Variants in PCDH15 observed in about 807,000 individuals in gnomAD.
The protein encoded by PCDH15 is protocadherin-15.
PCDH15 carries 129 observed loss-of-function variants against 178.5 expected under a neutral mutation model. The observed-to-expected ratio is 0.72, with a 90% CI of 0.63 to 0.84. PCDH15 has a LOEUF of 0.84. Among genes scored for constraint, PCDH15 ranks in the 40% least tolerant of loss-of-function variants. The pLI is 0.00. For missense variants in PCDH15, 2,230 were observed against 2,099.9 expected, an observed-to-expected ratio of 1.06 and a Z score of -1.21; for synonymous variants, 800 against 732.0, an observed-to-expected ratio of 1.09 and a Z score of -1.50.
chr10:54,040,366 C>T (rs895981140), intron 18 of PCDH15, among the ~76,000 whole-genome samples: 1 of 151,880 alleles, frequency 6.6e-6, no homozygotes, highest in Non-Finnish European at 1.5e-5. Flanking sequence ...AAGAGGTTTC[C>T]CCTTTGCTTG....
intron 1 of PCDH15, among the ~76,000 whole-genome samples, chr10:54,702,466 G>T (rs983747142): frequency 2.1e-5 from 3 of 145,000 alleles, no homozygotes; most frequent in Non-Finnish European, 4.5e-5. Context: ...TGATAAGTAG[G>T]CTACTGAAAA....
intron 2 of PCDH15, among the ~76,000 whole-genome samples, chr10:55,356,997 T>TAGTG (rs1845096332): frequency 6.6e-6 from 1 of 151,902 alleles, no homozygotes; most frequent in Admixed American, 6.6e-5. Context: ...AGGAAACACA[T>TAGTG]AGTGCCCTGT....
chr10:54,441,070 C>G (rs116318856), intron 3 of PCDH15, among the ~76,000 whole-genome samples: 2,556 of 151,922 alleles, frequency 0.017, 73 homozygotes, highest in African/African-American at 0.057. Context: ...ATCAATTAAT[C>G]ATTGCACAAT....
At chr10:54,491,200 A>C (rs1589687686) in intron 3 of PCDH15, among the ~76,000 whole-genome samples, 1 of 152,224 alleles carries the variant, frequency 6.6e-6, no homozygotes, top group East Asian at 1.9e-4. Flanking sequence ...ACAAGTTCAA[A>C]GCTGAAGATT....
At chr10:55,209,450 G>GT (rs1329030292) in intron 1 of PCDH15, among the ~76,000 whole-genome samples, 1 of 152,068 alleles carries the variant, frequency 6.6e-6, no homozygotes, top group Admixed American at 6.5e-5. Context: ...GGAGGCTATT[G>GT]TACTGGTCTA....
At chr10:55,609,110 TA>T (rs1277499744) in intron 2 of PCDH15, among the ~76,000 whole-genome samples, 1 of 152,032 alleles carries the variant, frequency 6.6e-6, no homozygotes, top group African/African-American at 2.4e-5. Flanking sequence ...TGTCCCTTGC[TA>T]AATGTTTCAC....
chr10:53,819,202 A>G (rs1269046876), intron 33 of PCDH15, among the ~76,000 whole-genome samples: 1 of 151,938 alleles, frequency 6.6e-6, no homozygotes, highest in East Asian at 1.9e-4. Context: ...TTAAACAATG[A>G]CAACTGAGTC....
chr10:55,017,088 C>A (rs190129457), intron 2 of PCDH15, among the ~76,000 whole-genome samples: 1 of 152,208 alleles, frequency 6.6e-6, no homozygotes, highest in African/African-American at 2.4e-5. Flanking sequence ...GAAATAGAGA[C>A]CCCAACTTTA....
chr10:53,960,887 A>G (rs989075274), intron 22 of PCDH15, among the ~76,000 whole-genome samples: 7 of 152,210 alleles, frequency 4.6e-5, no homozygotes, highest in Admixed American at 2.0e-4. Flanking sequence ...ATTCTAAGTA[A>G]CTATTAAAAA....
chr10:55,573,244 T>C (rs1842439561), intron 2 of PCDH15, among the ~76,000 whole-genome samples: 1 of 152,092 alleles, frequency 6.6e-6, no homozygotes, highest in African/African-American at 2.4e-5. Flanking sequence ...AAGGTAAATG[T>C]AATTAGATGT....
chr10:54,078,185 TTATTA>T (rs1478299867), intron 17 of PCDH15, among the ~76,000 whole-genome samples: 1 of 152,174 alleles, frequency 6.6e-6, no homozygotes, highest in Non-Finnish European at 1.5e-5. Context: ...TCTGTATATT[TTATTA>T]TATGTATAAG....
intron 18 of PCDH15, among the ~76,000 whole-genome samples, chr10:54,054,648 T>C (rs752320489): frequency 2.0e-5 from 3 of 152,124 alleles, no homozygotes; most frequent in African/African-American, 4.8e-5. Context: ...CCTAAATAAA[T>C]ATTGTAAAAA....
intron 18 of PCDH15, among the ~76,000 whole-genome samples, chr10:54,036,705 C>A (rs2093425219): frequency 6.6e-6 from 1 of 152,044 alleles, no homozygotes; most frequent in Non-Finnish European, 1.5e-5. Flanking sequence ...ACAACTTCCA[C>A]TCTGCAGCTC....
intron 2 of PCDH15, among the ~76,000 whole-genome samples, chr10:54,638,289 A>T (rs531106513): frequency 6.6e-6 from 1 of 152,176 alleles, no homozygotes; most frequent in African/African-American, 2.4e-5. Flanking sequence ...ACATTTTTTT[A>T]TTTGATTACA....
chr10:54,414,321 A>T (rs1309737632), intron 3 of PCDH15, among the ~76,000 whole-genome samples: 1 of 152,098 alleles, frequency 6.6e-6, no homozygotes, highest in Non-Finnish European at 1.5e-5. Context: ...CTACAAAATT[A>T]ACATAATTCC....
At chr10:54,404,987 A>T (rs973613328) in intron 3 of PCDH15, among the ~76,000 whole-genome samples, 1 of 152,118 alleles carries the variant, frequency 6.6e-6, no homozygotes, top group Non-Finnish European at 1.5e-5. Flanking sequence ...TTACAATTAA[A>T]AAAGTCAAAA....
intron 2 of PCDH15, among the ~76,000 whole-genome samples, chr10:55,541,258 GA>G (rs536778678): frequency 3.3e-5 from 5 of 151,368 alleles, no homozygotes; most frequent in Admixed American, 6.6e-5. Flanking sequence ...CATTATGAAA[GA>G]AAAAAAATAA....
chr10:53,855,787 C>T (rs1313030807), intron 28 of PCDH15, among the ~76,000 whole-genome samples: 1 of 150,940 alleles, frequency 6.6e-6, no homozygotes. Flanking sequence ...AGCTTAAAAC[C>T]TAGACAACGG....
intron 5 of PCDH15, among the ~76,000 whole-genome samples, chr10:54,347,175 G>A (rs369203106): frequency 4.1e-4 from 62 of 152,150 alleles, no homozygotes; most frequent in African/African-American, 1.4e-3. Flanking sequence ...GAGAATCACC[G>A]TTATTTTTTT....
Sources: allele counts gnomAD v4.1 joint callset (sites outside exome capture counted in the v4.1 genomes callset), GRCh38; gene constraint gnomAD v4.1.1; transcripts MANE v1.5; gene names NCBI Gene and HGNC (gene_info 2026-07-23, HGNC 2026-07-21).